BLK: variants seen among roughly 807,000 people sequenced by gnomAD.
BLK encodes BLK proto-oncogene, Src family tyrosine kinase.
Under a neutral mutation model 61.8 loss-of-function variants are expected in BLK, and 64 were observed. That is an observed-to-expected ratio of 1.03 (90% CI 0.85 to 1.27). The LOEUF (loss-of-function observed/expected upper bound fraction) is 1.27, where lower values mean the gene tolerates loss of function less well. Among genes scored for constraint, BLK ranks in the 50% most tolerant of loss-of-function variants. The pLI, the probability that BLK is intolerant of heterozygous loss-of-function variation, is 0.00. For missense variants in BLK, 853 were observed against 660.5 expected (o/e 1.29, Z -3.19); for synonymous variants, 351 against 272.0 (o/e 1.29, Z -2.86).
intron 1 of BLK, among the ~76,000 whole-genome samples, chr8:11,537,329 G>A (rs901690607): frequency 3.9e-5 from 6 of 152,170 alleles, no homozygotes; most frequent in African/African-American, 1.4e-4. Flanking sequence ...CCGGCAGCTA[G>A]CATGGCATTG....
chr8:11,554,640 A>G (rs1801102025), intron 6 of BLK, 103 bp from the exon 7 acceptor site: 2 of 1,409,170 alleles, frequency 1.4e-6, no homozygotes, highest in Non-Finnish European at 2.0e-6. Flanking sequence ...TGAAGAACAG[A>G]ATTGGGGAAC....
At chr8:11,562,540 C>T (rs905350585) in intron 11 of BLK, among the ~76,000 whole-genome samples, 3 of 152,254 alleles carry the variant, frequency 2.0e-5, no homozygotes, top group Non-Finnish European at 2.9e-5. Context: ...TAGCGGCCCT[C>T]GGAGGTACAA....
chr8:11,518,943 G>A (rs1342443766), intron 1 of BLK, among the ~76,000 whole-genome samples: 2 of 152,128 alleles, frequency 1.3e-5, no homozygotes, highest in Non-Finnish European at 2.9e-5. Context: ...CACTTTCTGG[G>A]AGAGGTCTTT....
At chr8:11,552,284 G>C (rs1020036528) in intron 6 of BLK, among the ~76,000 whole-genome samples, 5 of 152,244 alleles carry the variant, frequency 3.3e-5, no homozygotes, top group African/African-American at 9.6e-5. Context: ...AAAGGGGCAG[G>C]ACCAGGTTGG....
rs142623841 is a variant in BLK at position 11,556,764 on chromosome 8, C to T, written c.879C>T (p.His293=). The T allele has an allele frequency of 4.1e-4, 660 of 1,614,212 alleles. 3 individuals are homozygous for T. Among genetic ancestry groups the T allele is most frequent in the South Asian group, 4.0e-3 (364 of 91,082 alleles). The change falls in exon 9 of 13, where the codon CAC becomes CAT. Residue 293 remains histidine, a synonymous_variant. Coordinates refer to ENST00000259089, the MANE Select transcript of BLK (RefSeq NM_001715.3). The stretch of plus-strand genomic sequence containing the variant: ...CCAACGTGATGAAGGCTCTGCAGCA[C>T]GAGCGGCTGGTCCGACTCTACGCAG... ...GEANVMKALQ[H]ERLVRLYAVV...
intron 1 of BLK, among the ~76,000 whole-genome samples, chr8:11,539,793 A>G (rs1437943531): frequency 6.6e-6 from 1 of 152,248 alleles, no homozygotes; most frequent in Non-Finnish European, 1.5e-5. Context: ...GTGAAGGAAC[A>G]AATGAAACAA....
intron 1 of BLK, among the ~76,000 whole-genome samples, chr8:11,512,926 C>T (rs1799073940): frequency 6.6e-6 from 1 of 152,194 alleles, no homozygotes. Flanking sequence ...TTCGGCCTCC[C>T]AGACTGCTGG....
chr8:11,511,553 T>C (rs1399521304), intron 1 of BLK, among the ~76,000 whole-genome samples: 1 of 152,206 alleles, frequency 6.6e-6, no homozygotes, highest in African/African-American at 2.4e-5. Flanking sequence ...TTAAATTTCC[T>C]TAAACACAAG....
chr8:11,538,956 T>C (rs1215616895), intron 1 of BLK, among the ~76,000 whole-genome samples: 1 of 152,160 alleles, frequency 6.6e-6, no homozygotes, highest in Non-Finnish European at 1.5e-5. Context: ...AAGAAATATA[T>C]ACAATTAAAA....
At chr8:11,563,197 C>A in intron 12 of BLK, 87 bp downstream of exon 12, 1 of 1,585,274 alleles carries the variant, frequency 6.3e-7, no homozygotes, top group Non-Finnish European at 8.6e-7. Context: ...CCTGTGGCTG[C>A]CCTGTTCTTT....
chr8:11,561,556 T>G (rs746047142), intron 11 of BLK, 104 bp downstream of exon 11: 14 of 1,422,024 alleles, frequency 9.8e-6, no homozygotes, highest in Non-Finnish European at 1.4e-5. Context: ...GGAAGACACC[T>G]GAGGGCTATA....
rs764391136 is a variant in BLK at position 11,555,456 on chromosome 8, G to A, written c.744G>A (p.Gly248=). 2 of 1,614,188 alleles carry A rather than the reference G, an allele frequency of 1.2e-6. No individual in the cohort carries two copies. Among genetic ancestry groups the A allele is most frequent in the South Asian group, 1.1e-5 (1 of 91,078 alleles). ...RQSLRLVRKL[G]SGQFGEVWMG... Reference sequence around the variant, plus strand: ...CTCTCAGGCTGGTCAGGAAACTCGGGTCTGGACAATTCGGCGAAGTCTGGA... The same window carrying A: ...CTCTCAGGCTGGTCAGGAAACTCGGATCTGGACAATTCGGCGAAGTCTGGA... Residue 248 remains glycine, a synonymous_variant, in exon 8 of 13, where the codon GGG becomes GGA. Coordinates refer to ENST00000259089, the MANE Select transcript of BLK (RefSeq NM_001715.3).
At position 11,564,140 on chromosome 8, in the gene BLK, C is replaced by A; in HGVS notation, c.*32C>A. 1.3e-6 allele frequency: 2 copies of A among 1,537,050 alleles called. No individual in the cohort carries two copies. Among genetic ancestry groups the A allele is most frequent in the African/African-American group, 1.4e-5 (1 of 73,200 alleles). ...GCGCCCGCCTGCGCCCCGTGCCCAC[C>A]TCTGCGCGGACGACCCCGACTTCCG... is the stretch of plus-strand genomic sequence containing the variant. On this transcript the variant is annotated 3_prime_UTR_variant, in exon 13 of 13. Transcript: ENST00000259089.
At chr8:11,531,491 C>A (rs1251577671) in intron 1 of BLK, among the ~76,000 whole-genome samples, 1 of 152,102 alleles carries the variant, frequency 6.6e-6, no homozygotes, top group Non-Finnish European at 1.5e-5. Context: ...TATAATGTAC[C>A]TCTTTAAAGC....
intron 2 of BLK, among the ~76,000 whole-genome samples, chr8:11,543,625 C>T (rs1800490068): frequency 6.6e-6 from 1 of 152,058 alleles, no homozygotes; most frequent in South Asian, 2.1e-4. Flanking sequence ...AAGGAAGGAT[C>T]CGGGTATCTA....
rs554747901 is a variant in BLK, at chr8:11,557,835, C to T, written c.953-127C>T. ...AGTAGGTAGATCCTTCCTGATGCAC[C>T]GAGAGATCTGAGGGTGCAAACTCCC... is the stretch of plus-strand genomic sequence containing the variant. On this transcript the variant is annotated intron_variant, in intron 9 of 12. Coordinates refer to ENST00000259089, the MANE Select transcript of BLK (RefSeq NM_001715.3). The T allele has an allele frequency of 1.0e-3, 781 of 767,090 alleles. 14 individuals carry two copies. The South Asian group carries it at 0.011, about 11-fold the overall frequency. 47.5% of individuals were successfully genotyped at this position (767,090 alleles called of 1,614,324 possible).
At chr8:11,554,357 C>G (rs117002228) in intron 6 of BLK, among the ~76,000 whole-genome samples, 144 of 152,200 alleles carry the variant, frequency 9.5e-4, no homozygotes, top group Non-Finnish European at 1.5e-3. Flanking sequence ...CCTCTTTAGC[C>G]AGAAAATAAA....
intron 1 of BLK, among the ~76,000 whole-genome samples, chr8:11,514,041 A>C (rs915383649): frequency 6.6e-6 from 1 of 152,224 alleles, no homozygotes; most frequent in Admixed American, 6.5e-5. Context: ...TAAAACTCGT[A>C]ATGACACAGG....
intron 1 of BLK, among the ~76,000 whole-genome samples, chr8:11,512,143 C>T (rs555042852): frequency 5.3e-5 from 8 of 152,238 alleles, no homozygotes; most frequent in South Asian, 2.1e-4. Flanking sequence ...AAGGCAGACA[C>T]GCAAGTTCTA....
Sources: gnomAD v4.1 joint callset for allele counts (sites outside exome capture counted in the v4.1 genomes callset) on GRCh38, gnomAD v4.1.1 for gene constraint, MANE v1.5 for transcripts, NCBI Gene and HGNC (gene_info 2026-07-23, HGNC 2026-07-21) for gene names.